NCAM1: variants seen among roughly 807,000 people sequenced by gnomAD.
NCAM1 encodes neural cell adhesion molecule 1, also known as antigen recognized by monoclonal antibody 5.1H11.
A neutral mutation model predicts 109.8 loss-of-function variants in NCAM1; 14 were observed. That is an observed-to-expected ratio of 0.13 (90% confidence interval 0.08 to 0.20). The LOEUF is 0.20. NCAM1 is among the 10% of genes least tolerant of loss of function. NCAM1 has a pLI of 1.00. For missense variants in NCAM1, 774 were observed against 1,109.9 expected, an observed-to-expected ratio of 0.70 and a Z score of 4.30; for synonymous variants, 418 against 442.9, an observed-to-expected ratio of 0.94 and a Z score of 0.70.
At chr11:113,079,250 G>C (rs1422869135) in intron 1 of NCAM1, among the ~76,000 whole-genome samples, 1 of 152,180 alleles carries the variant, frequency 6.6e-6, no homozygotes, top group Non-Finnish European at 1.5e-5. Context: ...TGCATTATCC[G>C]ATTTATTCCT....
At chr11:113,121,647 G>A (rs1079021) in intron 1 of NCAM1, among the ~76,000 whole-genome samples, 100,616 of 151,594 alleles carry the variant, frequency 0.66, 34,498 homozygotes, top group Middle Eastern at 0.84. Flanking sequence ...TGTGGATTTC[G>A]GAGTTATTAT....
intron 1 of NCAM1, among the ~76,000 whole-genome samples, chr11:113,173,105 A>T (rs139592859): frequency 6.6e-6 from 1 of 152,290 alleles, no homozygotes; most frequent in African/African-American, 2.4e-5. Flanking sequence ...CCCTCCCTAC[A>T]CAATGCCTGC....
At chr11:113,014,540 T>A (rs1208931411) in intron 1 of NCAM1, among the ~76,000 whole-genome samples, 1 of 152,208 alleles carries the variant, frequency 6.6e-6, no homozygotes, top group Non-Finnish European at 1.5e-5. Flanking sequence ...AAGAAGGACT[T>A]TTATTGAACT....
At chr11:113,225,353 G>A (rs1266274336) in intron 9 of NCAM1, among the ~76,000 whole-genome samples, 12 of 152,188 alleles carry the variant, frequency 7.9e-5, no homozygotes, top group African/African-American at 2.9e-4. Flanking sequence ...TCAAATGAAT[G>A]AAATGAAGTG....
At chr11:113,195,266 CA>C (rs1435510022) in intron 1 of NCAM1, among the ~76,000 whole-genome samples, 19 of 152,198 alleles carry the variant, frequency 1.2e-4, no homozygotes, top group African/African-American at 4.6e-4. Context: ...CAAGTATAGA[CA>C]AGACTGCTCT....
chr11:112,994,067 A>G (rs147492259), intron 1 of NCAM1, among the ~76,000 whole-genome samples: 275 of 152,328 alleles, frequency 1.8e-3, no homozygotes, highest in South Asian at 8.1e-3. Flanking sequence ...TGGCAATATA[A>G]TGCCTTTTTC....
chr11:113,105,207 G>A (rs1555092288), intron 1 of NCAM1, among the ~76,000 whole-genome samples: 1 of 152,134 alleles, frequency 6.6e-6, no homozygotes, highest in Non-Finnish European at 1.5e-5. Context: ...CAGGTCTGTG[G>A]GACCCCAGTA....
intron 1 of NCAM1, among the ~76,000 whole-genome samples, chr11:112,978,930 C>T (rs1347432652): frequency 6.6e-6 from 1 of 151,650 alleles, no homozygotes; most frequent in Non-Finnish European, 1.5e-5. Flanking sequence ...TCCTAAAAAC[C>T]ATTTGGCTTA....
chr11:112,961,822 A>C (rs1285658713), intron 1 of NCAM1, among the ~76,000 whole-genome samples, 158 bp downstream of exon 1: 1 of 152,108 alleles, frequency 6.6e-6, no homozygotes, highest in Non-Finnish European at 1.5e-5. Flanking sequence ...CTTGCTGCCC[A>C]GCCGAACCCC....
At position 113,135,552 on chromosome 11, in the gene NCAM1, T is replaced by A. The variant is rs180803448; in HGVS notation, c.53-66827T>A. On this transcript the variant is annotated intron_variant, in intron 1 of 19. Transcript: ENST00000316851. ...CCTGGGTAGGCAGGGAATTTGCTCC[T>A]TAGATAGGCCCCCTGATTCAGGATG... 1.1e-3 allele frequency among the ~76,000 whole-genome samples: 174 copies of A among 152,308 alleles called. 1 individual carries two copies. The highest frequency in any genetic ancestry group is 3.4e-3 in the Middle Eastern group (1 of 292).
chr11:113,134,161 GCAAA>G (rs1236531269), intron 1 of NCAM1, among the ~76,000 whole-genome samples: 7 of 152,018 alleles, frequency 4.6e-5, no homozygotes, highest in African/African-American at 1.7e-4. Context: ...TCAGGCCCTG[GCAAA>G]CACTCTTCTA....
chr11:113,163,295 GA>G (rs1297437921), intron 1 of NCAM1, among the ~76,000 whole-genome samples: 2 of 151,860 alleles, frequency 1.3e-5, no homozygotes, highest in Admixed American at 6.6e-5. Flanking sequence ...AAAAAGTCTG[GA>G]AAAAAAACCA....
At chr11:113,088,658 T>G (rs1195139802) in intron 1 of NCAM1, among the ~76,000 whole-genome samples, 1 of 152,210 alleles carries the variant, frequency 6.6e-6, no homozygotes, top group Non-Finnish European at 1.5e-5. Flanking sequence ...AGTGATATGA[T>G]GCGAGTAACA....
At chr11:113,268,902 T>C (rs1310168348) in intron 17 of NCAM1, among the ~76,000 whole-genome samples, 2 of 152,190 alleles carry the variant, frequency 1.3e-5, no homozygotes, top group African/African-American at 4.8e-5. Flanking sequence ...GTTCCCATCT[T>C]CAGTCTGCAG....
Position 113,204,515 on chromosome 11 carries a change from C to T in NCAM1, c.346+11C>T, listed in dbSNP as rs1254079417. Reference sequence around the variant, plus strand: ...ACGTGAAGATCTTTCGTAAGAGCCTCCTTCTTCTTCTGCATTCTCTGGCCT... The same window carrying T: ...ACGTGAAGATCTTTCGTAAGAGCCTTCTTCTTCTTCTGCATTCTCTGGCCT... On this transcript the variant is annotated intron_variant, in intron 3 of 19. Coordinates refer to ENST00000316851, the MANE Select transcript of NCAM1 (RefSeq NM_181351.5). 3 of 1,612,534 alleles carry T rather than the reference C, an allele frequency of 1.9e-6. No homozygotes were observed. The highest frequency in any genetic ancestry group is 3.3e-5 in the Admixed American group (2 of 60,000).
intron 1 of NCAM1, among the ~76,000 whole-genome samples, chr11:113,176,435 T>C (rs555560380): frequency 4.0e-4 from 61 of 152,236 alleles, no homozygotes; most frequent in Non-Finnish European, 6.6e-4. Flanking sequence ...CTAGGTATTC[T>C]AGAGCCCATC....
intron 7 of NCAM1, 96 bp from the exon 8 acceptor site, chr11:113,214,273 C>A: frequency 1.5e-6 from 2 of 1,340,928 alleles, no homozygotes; most frequent in Non-Finnish European, 2.1e-6. Context: ...TTGTACTTAG[C>A]AGACAGCTAA....
At chr11:113,229,700 C>T (rs192412590) in intron 9 of NCAM1, among the ~76,000 whole-genome samples, 2,010 of 152,236 alleles carry the variant, frequency 0.013, 32 homozygotes, top group African/African-American at 0.039. Context: ...CCATCAATGA[C>T]AGACTGGATT....
intron 10 of NCAM1, 136 bp from the exon 11 acceptor site, chr11:113,232,034 A>G: frequency 1.0e-6 from 1 of 990,698 alleles, no homozygotes; most frequent in Non-Finnish European, 1.5e-6. Flanking sequence ...CAGGAATTCT[A>G]GAATGGCCCT....
Sources: gnomAD v4.1 joint callset for allele counts (sites outside exome capture counted in the v4.1 genomes callset) on GRCh38, gnomAD v4.1.1 for gene constraint, MANE v1.5 for transcripts, NCBI Gene and HGNC (gene_info 2026-07-23, HGNC 2026-07-21) for gene names.